SGCZ: variants seen among roughly 807,000 people sequenced by gnomAD.
The protein encoded by SGCZ is zeta-sarcoglycan.
SGCZ carries 40 observed loss-of-function variants against 41.3 expected under a neutral mutation model. The observed-to-expected ratio is 0.97, with a 90% CI of 0.75 to 1.26. The LOEUF (loss-of-function observed/expected upper bound fraction) is 1.26, where lower values mean the gene tolerates loss of function less well. SGCZ is among the 50% of genes most tolerant of loss of function. The probability of loss-of-function intolerance (pLI) is 0.00; values close to 1 mark genes in which losing one functional copy is unlikely to be tolerated. For synonymous variants in SGCZ, 206 were observed against 137.5 expected, an observed-to-expected ratio of 1.50 and a Z score of -3.49; for missense variants, 552 against 369.8, an observed-to-expected ratio of 1.49 and a Z score of -4.04.
At chr8:14,459,732 T>G (rs750709452) in intron 2 of SGCZ, among the ~76,000 whole-genome samples, 27 of 152,252 alleles carry the variant, frequency 1.8e-4, no homozygotes, top group South Asian at 1.0e-3. Context: ...AGTCCTAATA[T>G]GATACACTGA....
chr8:14,898,237 A>G (rs376961823), intron 1 of SGCZ, among the ~76,000 whole-genome samples: 1 of 152,144 alleles, frequency 6.6e-6, no homozygotes, highest in East Asian at 1.9e-4. Context: ...GGTGTGAGCC[A>G]CCATATGCGG....
At chr8:14,988,515 A>T (rs2130890144) in intron 1 of SGCZ, among the ~76,000 whole-genome samples, 1 of 152,176 alleles carries the variant, frequency 6.6e-6, no homozygotes, top group South Asian at 2.1e-4. Flanking sequence ...TGGATTGAGA[A>T]TAGTGTTTTC....
At chr8:15,100,110 A>G (rs1806547213) in intron 1 of SGCZ, among the ~76,000 whole-genome samples, 1 of 152,170 alleles carries the variant, frequency 6.6e-6, no homozygotes, top group Non-Finnish European at 1.5e-5. Context: ...TAATCCAACA[A>G]GACAGGAAAA....
At chr8:14,291,148 G>C (rs569362138) in intron 3 of SGCZ, among the ~76,000 whole-genome samples, 1 of 151,982 alleles carries the variant, frequency 6.6e-6, no homozygotes. Flanking sequence ...GTAAAATAGC[G>C]GTTACCAGAA....
In SGCZ at chr8:14,346,923, C is replaced by T. The variant is rs191222490; in HGVS notation, c.235-22719G>A. Among the ~76,000 whole-genome samples, 1,177 of 151,856 alleles carry T rather than the reference C, an allele frequency of 7.8e-3. 3 individuals are homozygous for T. Among genetic ancestry groups the T allele is most frequent in the Admixed American group, 0.014 (210 of 15,232 alleles). On this transcript the variant is annotated intron_variant, in intron 2 of 7. Coordinates refer to ENST00000382080, the MANE Select transcript of SGCZ (RefSeq NM_139167.4). ...AACATTTCAATCAAAATTATTATTT[C>T]GGACAGTGGCTTTGATAACATATTT...
intron 1 of SGCZ, among the ~76,000 whole-genome samples, chr8:15,193,798 C>T (rs143564697): frequency 7.4e-4 from 113 of 152,206 alleles, no homozygotes; most frequent in African/African-American, 9.9e-4. Context: ...TTAGGCTTTA[C>T]GTAATCAATA....
chr8:14,796,672 A>G (rs1563275608), intron 1 of SGCZ, among the ~76,000 whole-genome samples: 1 of 152,222 alleles, frequency 6.6e-6, no homozygotes. Context: ...TAAGACTCTT[A>G]GTAAACATCA....
At chr8:14,173,697 C>G (rs1044880724) in intron 4 of SGCZ, among the ~76,000 whole-genome samples, 1 of 151,960 alleles carries the variant, frequency 6.6e-6, no homozygotes, top group African/African-American at 2.4e-5. Flanking sequence ...AAGTACTCAA[C>G]TGATGAAATG....
chr8:14,684,376 G>A (rs1808540690), intron 1 of SGCZ, among the ~76,000 whole-genome samples: 2 of 152,128 alleles, frequency 1.3e-5, no homozygotes, highest in Admixed American at 1.3e-4. Flanking sequence ...TTTATGTACA[G>A]ACACATTTTG....
chr8:14,932,835 A>G (rs1398989522), intron 1 of SGCZ, among the ~76,000 whole-genome samples: 2 of 152,068 alleles, frequency 1.3e-5, no homozygotes, highest in Non-Finnish European at 2.9e-5. Flanking sequence ...CTAAAACAAG[A>G]AAAAATGTCA....
intron 1 of SGCZ, among the ~76,000 whole-genome samples, chr8:14,595,443 C>T (rs1399519898): frequency 3.6e-5 from 3 of 82,994 alleles, no homozygotes; most frequent in African/African-American, 1.1e-4. Flanking sequence ...ACACACACAC[C>T]ATGTACTGAT....
In SGCZ at chr8:14,108,326, C is replaced by A. The variant is rs566073190; in HGVS notation, c.548-91G>T. ...TTATGCATCAAATATTCTTCCAAAA[C>A]AGAGAAAACTTAAAACAGGTACATA... is the stretch of plus-strand genomic sequence containing the variant. On this transcript the variant is annotated intron_variant, in intron 5 of 7. Coordinates refer to ENST00000382080, the MANE Select transcript of SGCZ (RefSeq NM_139167.4). 1.5e-4 allele frequency: 183 copies of A among 1,184,718 alleles called. 6 individuals are homozygous for A. In the South Asian group the frequency reaches 2.1e-3, roughly 14 times the overall value. The allele number at this position is 1,184,718 out of a possible 1,614,324, so 73.4% of individuals were successfully genotyped here. A position where few individuals can be genotyped will look rare whatever the true frequency, so the allele number is the denominator to read the frequency against.
chr8:14,303,425 C>G (rs1801256672), intron 3 of SGCZ, among the ~76,000 whole-genome samples: 1 of 152,034 alleles, frequency 6.6e-6, no homozygotes, highest in South Asian at 2.1e-4. Context: ...ACATGGATAT[C>G]TTTAAAAACC....
rs1803235680 is a variant in SGCZ, at chr8:14,137,483, A to G, written c.547+27097T>C. On this transcript the variant is annotated intron_variant, in intron 5 of 7. Coordinates refer to ENST00000382080, the MANE Select transcript of SGCZ (RefSeq NM_139167.4). ...GAATAAACAGTGTAGAGAAGGCCTTAAATGACCTGATGGAGCTGAAACAAT... is the reference window on the plus strand; with the variant it reads ...GAATAAACAGTGTAGAGAAGGCCTTGAATGACCTGATGGAGCTGAAACAAT... 1.3e-5 allele frequency among the ~76,000 whole-genome samples: 2 copies of G among 152,216 alleles called. 1 individual carries two copies. The highest frequency in any genetic ancestry group is 4.1e-4 in the South Asian group (2 of 4,834).
In SGCZ at chr8:14,090,644, G is replaced by A; in HGVS notation, c.745-7C>T. ...TCTCTGCATTTAAAAATATCTATGG[G>A]AAAAAAGAAATTGCATTTTAATTCA... On this transcript the variant is annotated splice_polypyrimidine_tract_variant and splice_region_variant and intron_variant, in intron 7 of 7. Transcript: ENST00000382080. 6.2e-7 allele frequency: 1 copy of A among 1,603,602 alleles called. No individual in the cohort carries two copies. Among genetic ancestry groups the A allele is most frequent in the Non-Finnish European group, 8.5e-7 (1 of 1,176,552 alleles).
intron 2 of SGCZ, among the ~76,000 whole-genome samples, chr8:14,376,916 G>C (rs910055805): frequency 2.0e-5 from 3 of 152,144 alleles, no homozygotes; most frequent in Admixed American, 6.5e-5. Flanking sequence ...GTGATAATAA[G>C]AAATACATAT....
intron 2 of SGCZ, among the ~76,000 whole-genome samples, chr8:14,398,737 T>G (rs187748369): frequency 6.6e-6 from 1 of 152,250 alleles, no homozygotes; most frequent in African/African-American, 2.4e-5. Flanking sequence ...TGGATATGCA[T>G]TGTTAAACTA....
chr8:14,151,044 A>C (rs1803692687), intron 5 of SGCZ, among the ~76,000 whole-genome samples: 1 of 152,160 alleles, frequency 6.6e-6, no homozygotes, highest in South Asian at 2.1e-4. Flanking sequence ...GGGATGCGTC[A>C]GGTGAGGTGG....
At chr8:14,886,837 G>A (rs78917179) in intron 1 of SGCZ, among the ~76,000 whole-genome samples, 3,183 of 152,194 alleles carry the variant, frequency 0.021, 43 homozygotes, top group Non-Finnish European at 0.028. Context: ...GACTAAAGGG[G>A]CAAGTTGGCA....
Sources: gnomAD v4.1 joint callset for allele counts (sites outside exome capture counted in the v4.1 genomes callset) on GRCh38, gnomAD v4.1.1 for gene constraint, MANE v1.5 for transcripts, NCBI Gene and HGNC (gene_info 2026-07-23, HGNC 2026-07-21) for gene names.